PRKN: variants seen among roughly 807,000 people sequenced by gnomAD.
PRKN encodes the protein parkin RBR E3 ubiquitin protein ligase, also known as E3 ubiquitin-protein ligase parkin.
In PRKN, 56 loss-of-function variants were observed where a neutral mutation model predicts 59.5. The ratio of observed to expected loss-of-function variants is 0.94; its 90% CI spans 0.76 to 1.18. The LOEUF (loss-of-function observed/expected upper bound fraction) is 1.18, where lower values mean the gene tolerates loss of function less well. Among genes scored for constraint, PRKN ranks in the 50% most tolerant of loss-of-function variants. PRKN has a pLI of 0.00. For synonymous variants in PRKN, 250 were observed against 222.1 expected, an observed-to-expected ratio of 1.13 and a Z score of -1.12; for missense variants, 657 against 596.4, an observed-to-expected ratio of 1.10 and a Z score of -1.06.
chr6:161,665,526 T>C (rs1346111962), intron 7 of PRKN, among the ~76,000 whole-genome samples: 2 of 152,206 alleles, frequency 1.3e-5, no homozygotes, highest in East Asian at 1.9e-4. Context: ...CTTAATACTA[T>C]CATCGAGCAT....
chr6:162,014,608 C>G (rs555958279), intron 5 of PRKN, among the ~76,000 whole-genome samples: 1 of 152,150 alleles, frequency 6.6e-6, no homozygotes, highest in Non-Finnish European at 1.5e-5. Flanking sequence ...GGAACGGAAG[C>G]GAGCTGGTGC....
chr6:161,753,376 T>C (rs1333268849), intron 7 of PRKN, among the ~76,000 whole-genome samples: 1 of 152,046 alleles, frequency 6.6e-6, no homozygotes, highest in Non-Finnish European at 1.5e-5. Flanking sequence ...CATTAAATTG[T>C]CTTATCCAGT....
At chr6:162,384,082 A>G (rs1235758720) in intron 2 of PRKN, among the ~76,000 whole-genome samples, 1 of 152,190 alleles carries the variant, frequency 6.6e-6, no homozygotes, top group East Asian at 1.9e-4. Flanking sequence ...TGTTCTCCAC[A>G]TCAGCAATGA....
chr6:162,566,503 A>G (rs1032407355), intron 1 of PRKN, among the ~76,000 whole-genome samples: 1 of 152,172 alleles, frequency 6.6e-6, no homozygotes, highest in Non-Finnish European at 1.5e-5. Flanking sequence ...ACTATGAGCA[A>G]CTATATGTCA....
At chr6:161,915,990 C>T (rs913798016) in intron 6 of PRKN, among the ~76,000 whole-genome samples, 37 of 151,630 alleles carry the variant, frequency 2.4e-4, no homozygotes, top group African/African-American at 8.7e-4. Flanking sequence ...AATTTATTCT[C>T]GACTATATCA....
At chr6:161,477,607 A>C (rs551219726) in intron 9 of PRKN, among the ~76,000 whole-genome samples, 209 of 152,272 alleles carry the variant, frequency 1.4e-3, no homozygotes, top group Non-Finnish European at 2.2e-3. Flanking sequence ...TGCAGCATAG[A>C]AGAAAATTAA....
At chr6:161,494,899 C>T (rs762642255) in intron 9 of PRKN, among the ~76,000 whole-genome samples, 14 of 152,188 alleles carry the variant, frequency 9.2e-5, no homozygotes, top group African/African-American at 2.4e-5. Context: ...GGACTCCTCT[C>T]CCTTGCTCCG....
At chr6:161,435,208 A>T (rs1371403224) in intron 9 of PRKN, among the ~76,000 whole-genome samples, 1 of 152,174 alleles carries the variant, frequency 6.6e-6, no homozygotes, top group East Asian at 1.9e-4. Flanking sequence ...AAGAGAGATG[A>T]TTTCACTCTA....
chr6:161,715,866 G>T (rs541485318), intron 7 of PRKN, among the ~76,000 whole-genome samples: 24 of 152,308 alleles, frequency 1.6e-4, no homozygotes, highest in Non-Finnish European at 2.4e-4. Flanking sequence ...TCTGCTGTTT[G>T]CCAGAGCAGT....
At position 161,364,208 on chromosome 6, in the gene PRKN, A is replaced by C. The variant is rs1286907543; in HGVS notation, c.1168-4003T>G. Reference sequence around the variant, plus strand: ...AAAAAGAAAAGAAAACAAACAAACAAACATGGATGTGGGAGGCCAAGGCAG... The same window carrying C: ...AAAAAGAAAAGAAAACAAACAAACACACATGGATGTGGGAGGCCAAGGCAG... On this transcript the variant is annotated intron_variant, in intron 10 of 11. Coordinates refer to ENST00000366898, the MANE Select transcript of PRKN (RefSeq NM_004562.3). Among the ~76,000 whole-genome samples the C allele has an allele frequency of 2.7e-5, 4 of 148,292 alleles. No individual in the cohort carries two copies. In the East Asian group the frequency reaches 8.3e-4, roughly 31 times the overall value.
rs1583211215 is a variant in PRKN, at chr6:161,544,501, ATTTTATTCATTCAT to A, written c.1083+4339_1083+4352del. ...ATTATTAAGATTCACTCAACCATTT[ATTTTATTCATTCAT>A]TCATTCATTCATTCATTCATTCATT... On this transcript the variant is annotated intron_variant, in intron 9 of 11. Coordinates refer to ENST00000366898, the MANE Select transcript of PRKN (RefSeq NM_004562.3). This position sits in a 1 kb window ranked among gnomAD's most constrained non-coding sequence, Gnocchi z 5.5. Among the ~76,000 whole-genome samples, 1 of 90,794 alleles carries A rather than the reference ATTTTATTCATTCAT, an allele frequency of 1.1e-5. No homozygotes were observed. The highest frequency in any genetic ancestry group is 3.3e-4 in the East Asian group (1 of 3,058). 59.6% of individuals were successfully genotyped at this position (90,794 alleles called of 152,430 possible). A position where few individuals can be genotyped will look rare whatever the true frequency, so the allele number is the denominator to read the frequency against.
chr6:161,476,342 G>T (rs1196931039), intron 9 of PRKN, among the ~76,000 whole-genome samples: 1 of 152,154 alleles, frequency 6.6e-6, no homozygotes, highest in Admixed American at 6.5e-5. Context: ...TGCTTCTGAT[G>T]TGTGGGGAAA....
chr6:162,473,761 C>G (rs1489090759), intron 1 of PRKN, among the ~76,000 whole-genome samples: 1 of 151,988 alleles, frequency 6.6e-6, no homozygotes, highest in Non-Finnish European at 1.5e-5. Context: ...TATTGGCAGA[C>G]AATTCTAGAA....
intron 7 of PRKN, among the ~76,000 whole-genome samples, chr6:161,748,501 A>AAATC (rs1788532933): frequency 6.6e-6 from 1 of 152,106 alleles, no homozygotes; most frequent in South Asian, 2.1e-4. Context: ...TTGGCTCAGA[A>AAATC]AATCACCTCC....
At chr6:162,276,882 C>T in intron 2 of PRKN, among the ~76,000 whole-genome samples, 1 of 152,084 alleles carries the variant, frequency 6.6e-6, no homozygotes, top group East Asian at 1.9e-4. Context: ...ATAGTTTATT[C>T]AACCAATACC....
In PRKN at chr6:161,473,431, T is replaced by C. The variant is rs1462083101; in HGVS notation, c.1083+75423A>G. ...GGAGATTCTACTATTTTTGGCAACA[T>C]GTATTAACCTGGAGGACATTATGCT... is the stretch of plus-strand genomic sequence containing the variant. On this transcript the variant is annotated intron_variant, in intron 9 of 11. Coordinates refer to ENST00000366898, the MANE Select transcript of PRKN (RefSeq NM_004562.3). The surrounding 1 kb of genome is among the most constrained non-coding windows in gnomAD (Gnocchi z 4.1). 1.3e-5 allele frequency among the ~76,000 whole-genome samples: 2 copies of C among 151,608 alleles called. No homozygotes were observed. Among genetic ancestry groups the C allele is most frequent in the African/African-American group, 4.8e-5 (2 of 41,308 alleles).
intron 3 of PRKN, among the ~76,000 whole-genome samples, chr6:162,208,833 A>G (rs1785069809): frequency 6.6e-6 from 1 of 152,178 alleles, no homozygotes; most frequent in Non-Finnish European, 1.5e-5. Flanking sequence ...ACATCTCTAT[A>G]GCCTGGGGTA....
rs1365335988 is a variant in PRKN at position 161,498,597 on chromosome 6, T to C, written c.1083+50257A>G. Among the ~76,000 whole-genome samples the C allele has an allele frequency of 6.6e-6, 1 of 152,182 alleles. No individual in the cohort carries two copies. Among genetic ancestry groups the C allele is most frequent in the East Asian group, 1.9e-4 (1 of 5,188 alleles). On this transcript the variant is annotated intron_variant, in intron 9 of 11. Transcript: ENST00000366898. The surrounding 1 kb of genome is among the most constrained non-coding windows in gnomAD (Gnocchi z 4.2). ...ACTTGAGGCCAGAGCCTTTAATTTC[T>C]GGCACTCAACTCTCCATCCCTCCCA...
chr6:162,201,303 A>C, intron 3 of PRKN, 51 bp from the exon 4 acceptor site: 4 of 1,598,724 alleles, frequency 2.5e-6, no homozygotes, highest in Middle Eastern at 1.7e-4. Context: ...ATCTAAATTG[A>C]GACAAGAAAC....
Sources: allele counts gnomAD v4.1 joint callset (sites outside exome capture counted in the v4.1 genomes callset), GRCh38; gene constraint gnomAD v4.1.1; non-coding constraint Gnocchi (gnomAD v3.1); transcripts MANE v1.5; gene names NCBI Gene and HGNC (gene_info 2026-07-23, HGNC 2026-07-21).